ADH1C: variants seen among roughly 807,000 people sequenced by gnomAD.
The protein encoded by ADH1C is alcohol dehydrogenase 1C.
ADH1C carries 26 observed loss-of-function variants against 35.0 expected under a neutral mutation model. The ratio of observed to expected loss-of-function variants is 0.74; its 90% confidence interval spans 0.54 to 1.03. The LOEUF (loss-of-function observed/expected upper bound fraction) is 1.03. Among genes scored for constraint, ADH1C ranks in the 50% least tolerant of loss-of-function variants. The probability of loss-of-function intolerance (pLI) is 0.00; values close to 1 mark genes in which losing one functional copy is unlikely to be tolerated. For missense variants in ADH1C, 413 were observed against 465.4 expected, an observed-to-expected ratio of 0.89 and a Z score of 1.04; for synonymous variants, 170 against 169.3, an observed-to-expected ratio of 1.00 and a Z score of -0.03.
At chr4:99,339,463 A>C in intron 8 of ADH1C, 114 bp downstream of exon 8, 1 of 969,848 alleles carries the variant, frequency 1.0e-6, no homozygotes, top group South Asian at 1.9e-5. Flanking sequence ...AAACCAAGGC[A>C]CTGTAATTTT....
intron 1 of ADH1C, chr4:99,351,040 A>C (rs1233839750): frequency 6.6e-6 from 1 of 152,318 alleles, no homozygotes; most frequent in East Asian, 1.9e-4. Flanking sequence ...TGTGAGGCTG[A>C]GGCAGGAGAA....
intron 8 of ADH1C, among the ~76,000 whole-genome samples, chr4:99,338,074 T>C (rs1245629675): frequency 6.6e-6 from 1 of 151,844 alleles, no homozygotes; most frequent in African/African-American, 2.4e-5. Flanking sequence ...AGGTTTCTGA[T>C]ACAAATTACC....
intron 6 of ADH1C, among the ~76,000 whole-genome samples, chr4:99,341,979 T>C (rs1357833973): frequency 6.7e-6 from 1 of 149,102 alleles, no homozygotes; most frequent in Non-Finnish European, 1.5e-5. Context: ...ATCACTGCAC[T>C]CCAGCCTGGT....
intron 1 of ADH1C, among the ~76,000 whole-genome samples, chr4:99,348,661 C>G (rs1734601235): frequency 2.0e-5 from 3 of 150,534 alleles, no homozygotes; most frequent in Admixed American, 6.6e-5. Context: ...ATGGCTGGGT[C>G]AAATGGTATT....
intron 3 of ADH1C, 130 bp downstream of exon 3, chr4:99,346,876 C>T (rs1734541491): frequency 2.1e-6 from 3 of 1,451,490 alleles, no homozygotes; most frequent in East Asian, 2.3e-5. Context: ...AGGAGGAAAC[C>T]CCTGAAGTCC....
intron 8 of ADH1C, 98 bp downstream of exon 8, chr4:99,339,479 A>G: frequency 8.4e-7 from 1 of 1,194,164 alleles, no homozygotes; most frequent in Non-Finnish European, 1.1e-6. Context: ...ATTTTTTCTC[A>G]TCCTTCCACC....
intron 6 of ADH1C, among the ~76,000 whole-genome samples, chr4:99,341,415 C>T (rs1353562921): frequency 6.6e-6 from 1 of 152,166 alleles, no homozygotes; most frequent in African/African-American, 2.4e-5. Context: ...CTTTGGGAGA[C>T]TGACATCCTC....
At chr4:99,339,921 C>A (rs955006449) in intron 7 of ADH1C, among the ~76,000 whole-genome samples, 4 of 152,134 alleles carry the variant, frequency 2.6e-5, no homozygotes, top group African/African-American at 7.2e-5. Flanking sequence ...CTTAGTTATT[C>A]TCTCTCTCAC....
In ADH1C at chr4:99,339,656, A is replaced by C. The variant is rs1259473057; in HGVS notation, c.1024T>G (p.Ser342Ala). 6.2e-7 allele frequency: 1 copy of C among 1,612,576 alleles called. No individual in the cohort carries two copies. The highest frequency in any genetic ancestry group is 1.1e-5 in the South Asian group (1 of 90,756). Reference sequence around the variant, plus strand: ...ATATTTGTTATTAATGCATCCAGTGAAAACTTCTTAGCCATAAAGTCAGCC... The same window carrying C: ...ATATTTGTTATTAATGCATCCAGTGCAAACTTCTTAGCCATAAAGTCAGCC... ...LVADFMAKKF[S>A]LDALITNILP... The change falls in exon 8 of 9, where the codon TCA (serine) becomes GCA (alanine). Residue 342 changes from serine to alanine, a missense_variant. Transcript: ENST00000515683.
rs1464171396 is a variant in ADH1C at position 99,342,917 on chromosome 4, A to G, written c.706T>C (p.Leu236=). The part of the protein sequence containing the change: ...NKDKFAKAKE[L]GATECINPQD... ...GGGTTGATGCATTCAGTGGCACCCA[A>G]CTCTTTAGCCTTTGCAAATTTGTCC... is the stretch of plus-strand genomic sequence containing the variant. Residue 236 remains leucine, a synonymous_variant, in exon 6 of 9, where the codon TTG becomes CTG. Transcript: ENST00000515683. The G allele has an allele frequency of 1.9e-6, 3 of 1,613,934 alleles. No individual in the cohort carries two copies. Among genetic ancestry groups the G allele is most frequent in the Non-Finnish European group, 2.5e-6 (3 of 1,179,984 alleles).
At chr4:99,337,327 A>G (rs1734301155) in intron 8 of ADH1C, among the ~76,000 whole-genome samples, 1 of 152,124 alleles carries the variant, frequency 6.6e-6, no homozygotes, top group African/African-American at 2.4e-5. Flanking sequence ...AAATTATATA[A>G]TGATAGATAC....
Position 99,347,772 on chromosome 4 carries a change from A to T in ADH1C, c.93T>A (p.Pro31=). The T allele has an allele frequency of 6.2e-7, 1 of 1,613,496 alleles. No individual in the cohort carries two copies. The highest frequency in any genetic ancestry group is 1.1e-5 in the South Asian group (1 of 90,988). ...TAATGCGAACTTCATGAGCCTTAGG[A>T]GGTGCAACCTCTACCTCCTCAATGG... ...PFSIEEVEVA[P]PKAHEVRIKM... is the part of the protein sequence containing the mutation. Residue 31 remains proline (P), a synonymous_variant, in exon 2 of 9, where the codon CCT becomes CCA. Coordinates refer to ENST00000515683, the MANE Select transcript of ADH1C (RefSeq NM_000669.5).
At chr4:99,340,367 T>C (rs34009511) in intron 7 of ADH1C, among the ~76,000 whole-genome samples, 3,419 of 152,114 alleles carry the variant, frequency 0.022, 137 homozygotes, top group African/African-American at 0.079. Flanking sequence ...TGAGTCAAGA[T>C]TGCGCCACTG....
intron 3 of ADH1C, among the ~76,000 whole-genome samples, chr4:99,346,174 C>T (rs745966886): frequency 6.6e-6 from 1 of 152,040 alleles, no homozygotes; most frequent in Admixed American, 6.6e-5. Context: ...TTTTAATCAC[C>T]TATGCTATCT....
At chr4:99,341,968 T>C (rs1208042304) in intron 6 of ADH1C, among the ~76,000 whole-genome samples, 1 of 149,710 alleles carries the variant, frequency 6.7e-6, no homozygotes, top group Non-Finnish European at 1.5e-5. Flanking sequence ...GCCATAATCA[T>C]ATCACTGCAC....
intron 1 of ADH1C, among the ~76,000 whole-genome samples, chr4:99,348,358 T>C (rs1267834082): frequency 6.7e-6 from 1 of 149,780 alleles, no homozygotes; most frequent in South Asian, 2.1e-4. Context: ...TTTCCACCTA[T>C]GAGTGAGAAT....
chr4:99,343,890 A>G (rs1276734956), intron 5 of ADH1C, among the ~76,000 whole-genome samples: 1 of 152,198 alleles, frequency 6.6e-6, no homozygotes, highest in Non-Finnish European at 1.5e-5. Context: ...CGTTTTGGGT[A>G]ACATGCTGTT....
chr4:99,345,986 G>A (rs1393478212), intron 3 of ADH1C, among the ~76,000 whole-genome samples: 1 of 152,126 alleles, frequency 6.6e-6, no homozygotes, highest in African/African-American at 2.4e-5. Context: ...GGAAGGAGGA[G>A]GGGTGAGAAA....
intron 1 of ADH1C, among the ~76,000 whole-genome samples, chr4:99,350,727 G>A (rs1001579196): frequency 1.3e-5 from 2 of 152,168 alleles, no homozygotes; most frequent in African/African-American, 2.4e-5. Flanking sequence ...AACCTAAAAC[G>A]GATGCTACCA....
Sources: gnomAD v4.1 joint callset for allele counts (sites outside exome capture counted in the v4.1 genomes callset) on GRCh38, gnomAD v4.1.1 for gene constraint, MANE v1.5 for transcripts, NCBI Gene and HGNC (gene_info 2026-07-23, HGNC 2026-07-21) for gene names.